GRPR: variants seen among roughly 807,000 people sequenced by gnomAD.
The protein encoded by GRPR is gastrin-releasing peptide receptor.
A neutral mutation model predicts 15.6 loss-of-function variants in GRPR; 4 were observed. That is an observed-to-expected ratio of 0.26 (90% CI 0.13 to 0.59). The LOEUF (loss-of-function observed/expected upper bound fraction) is 0.59. Among genes scored for constraint, GRPR ranks in the 20% least tolerant of loss-of-function variants. The probability of loss-of-function intolerance (pLI) is 0.90; values close to 1 mark genes in which losing one functional copy is unlikely to be tolerated. For missense variants in GRPR, 270 were observed against 304.1 expected (o/e 0.89, Z 0.83); for synonymous variants, 128 against 126.8 (o/e 1.01, Z -0.06).
intron 1 of GRPR, among the ~76,000 whole-genome samples, chrX:16,127,397 C>T (rs1177859983): frequency 1.8e-5 from 2 of 111,752 alleles, no homozygotes; most frequent in Non-Finnish European, 3.8e-5. Flanking sequence ...ATTTGCACAG[C>T]TGAGCAGTTG....
chrX:16,134,083 A>G (rs897220109), intron 1 of GRPR, among the ~76,000 whole-genome samples: 5 of 111,968 alleles, frequency 4.5e-5, no homozygotes, highest in African/African-American at 1.6e-4. Flanking sequence ...AGGCAATTTC[A>G]TACTAGAGTC....
intron 1 of GRPR, among the ~76,000 whole-genome samples, chrX:16,128,337 A>C (rs1922325806): frequency 9.0e-6 from 1 of 111,390 alleles, no homozygotes; most frequent in Non-Finnish European, 1.9e-5. Context: ...CAACATGGTG[A>C]AACCTCGTCT....
intron 1 of GRPR, among the ~76,000 whole-genome samples, chrX:16,126,006 C>T (rs1922285080): frequency 9.0e-6 from 1 of 111,227 alleles, no homozygotes; most frequent in African/African-American, 3.3e-5. Context: ...TTACTCTCTT[C>T]TTAGGGAGAA....
At chrX:16,132,696 A>G (rs1172290568) in intron 1 of GRPR, among the ~76,000 whole-genome samples, 2 of 111,558 alleles carry the variant, frequency 1.8e-5, no homozygotes, top group Non-Finnish European at 1.9e-5. Context: ...TCAACTTCAT[A>G]TCTCATTATT....
At chrX:16,136,079 C>T (rs1235319284) in intron 1 of GRPR, among the ~76,000 whole-genome samples, 1 of 111,888 alleles carries the variant, frequency 8.9e-6, no homozygotes, top group South Asian at 3.7e-4. Context: ...TATAGGTAAA[C>T]ATAAAAATCT....
intron 2 of GRPR, 110 bp downstream of exon 2, chrX:16,150,766 G>T (rs1236781330): frequency 1.7e-5 from 9 of 533,079 alleles, no homozygotes; most frequent in Non-Finnish European, 3.0e-5. Context: ...GATGAGGTGG[G>T]TGATGTGTGG....
chrX:16,136,469 A>G (rs745702516), intron 1 of GRPR, among the ~76,000 whole-genome samples: 4 of 111,865 alleles, frequency 3.6e-5, no homozygotes, highest in Non-Finnish European at 5.6e-5. Flanking sequence ...CCAAATTAGT[A>G]CTTAAATATG....
chrX:16,145,252 C>T (rs1569127845), intron 1 of GRPR, among the ~76,000 whole-genome samples: 1 of 111,832 alleles, frequency 8.9e-6, no homozygotes, highest in African/African-American at 3.3e-5. Flanking sequence ...GCACACTAAA[C>T]GTCCATCAAC....
intron 1 of GRPR, among the ~76,000 whole-genome samples, chrX:16,144,295 A>G (rs1319351331): frequency 8.9e-6 from 1 of 112,002 alleles, no homozygotes. Context: ...GGAGAAAATA[A>G]AGCTGATGTT....
At position 16,152,777 on chromosome X, in the gene GRPR, G is replaced by A; in HGVS notation, c.*132G>A. The A allele has an allele frequency of 1.8e-6, 1 of 560,516 alleles. No individual in the cohort carries two copies. The highest frequency in any genetic ancestry group is 3.1e-6 in the Non-Finnish European group (1 of 323,319). 46.2% of individuals were successfully genotyped at this position (560,516 alleles called of 1,213,427 possible). On this transcript the variant is annotated 3_prime_UTR_variant, in exon 3 of 3. Transcript: ENST00000380289. Reference sequence around the variant, plus strand: ...TCCTGAGTGGTGTAGGTGGGGGTGGGGAGGCCCAAATGATGGATCACCATT... The same window carrying A: ...TCCTGAGTGGTGTAGGTGGGGGTGGAGAGGCCCAAATGATGGATCACCATT...
At chrX:16,149,200 T>G (rs1922651657) in intron 1 of GRPR, among the ~76,000 whole-genome samples, 1 of 111,951 alleles carries the variant, frequency 8.9e-6, no homozygotes, top group South Asian at 3.8e-4. Context: ...CTGAGAGATT[T>G]CCCAGGATGT....
At chrX:16,125,150 C>T (rs968006257) in intron 1 of GRPR, among the ~76,000 whole-genome samples, 1 of 112,539 alleles carries the variant, frequency 8.9e-6, no homozygotes, top group Non-Finnish European at 1.9e-5. Context: ...TGTGTGAGCA[C>T]ATTGCATAAA....
Position 16,152,568 on chromosome X carries a change from T to C in GRPR, c.1078T>C (p.Ser360Pro). ...TGGAAGGAGTACAACCTGCATGACC[T>C]CCCTCAAGAGTACCAACCCCTCCGT... Reference protein sequence around the residue: ...STGRSTTCMTSLKSTNPSVAT... With the variant: ...STGRSTTCMTPLKSTNPSVAT... Residue 360 changes from serine to proline, a missense_variant, in exon 3 of 3, where the codon TCC becomes CCC. Ser to Pro is a moderately conservative substitution (Grantham distance 74, BLOSUM62 -1). Coordinates refer to ENST00000380289, the MANE Select transcript of GRPR (RefSeq NM_005314.3). 1.7e-6 allele frequency: 2 copies of C among 1,206,337 alleles called. No individual in the cohort carries two copies. The highest frequency in any genetic ancestry group is 2.2e-6 in the Non-Finnish European group (2 of 890,422).
chrX:16,151,440 T>G (rs144162657), intron 2 of GRPR, among the ~76,000 whole-genome samples: 46 of 111,801 alleles, frequency 4.1e-4, no homozygotes, highest in African/African-American at 1.5e-3. Context: ...CACTCCCCAC[T>G]CCATTTCAGT....
chrX:16,133,370 T>C (rs1455868815), intron 1 of GRPR, among the ~76,000 whole-genome samples: 1 of 111,925 alleles, frequency 8.9e-6, no homozygotes. Context: ...TTTAATTCTC[T>C]CTAGATTTAA....
chrX:16,136,721 G>A (rs1161378845), intron 1 of GRPR, among the ~76,000 whole-genome samples: 1 of 111,978 alleles, frequency 8.9e-6, no homozygotes, highest in Non-Finnish European at 1.9e-5. Flanking sequence ...AGGCTTTGTG[G>A]ACCATACAGT....
intron 1 of GRPR, among the ~76,000 whole-genome samples, chrX:16,136,621 G>A (rs1922453244): frequency 8.9e-6 from 1 of 111,906 alleles, no homozygotes; most frequent in African/African-American, 3.2e-5. Context: ...GCTTACCTCT[G>A]TTTAAAGAAG....
intron 1 of GRPR, among the ~76,000 whole-genome samples, chrX:16,130,434 C>G (rs2147031065): frequency 8.9e-6 from 1 of 112,633 alleles, no homozygotes; most frequent in African/African-American, 3.2e-5. Context: ...AGAAAGAACC[C>G]TTTCATCCTC....
At chrX:16,152,227 T>C in intron 2 of GRPR, 29 bp from the exon 3 acceptor site, 1 of 1,172,790 alleles carries the variant, frequency 8.5e-7, no homozygotes, top group Non-Finnish European at 1.2e-6. Flanking sequence ...TTGGTTCCTC[T>C]GTCTCTCTCC....
Sources: gnomAD v4.1 joint callset for allele counts (sites outside exome capture counted in the v4.1 genomes callset) on GRCh38, gnomAD v4.1.1 for gene constraint, MANE v1.5 for transcripts, NCBI Gene and HGNC (gene_info 2026-07-23, HGNC 2026-07-21) for gene names.